The following PLEKHG4B variants were observed in gnomAD, a reference collection of about 807,000 sequenced individuals.
The protein encoded by PLEKHG4B is pleckstrin homology domain-containing family G member 4B.
In PLEKHG4B, 111 loss-of-function variants were observed where a neutral mutation model predicts 121.3. That is an observed-to-expected ratio of 0.92 (90% confidence interval 0.78 to 1.07). The LOEUF (loss-of-function observed/expected upper bound fraction) is 1.07. PLEKHG4B is among the 50% of genes least tolerant of loss of function. The pLI is 0.00. For synonymous variants in PLEKHG4B, 738 were observed against 725.0 expected, an observed-to-expected ratio of 1.02 and a Z score of -0.29; for missense variants, 1,831 against 1,757.8, an observed-to-expected ratio of 1.04 and a Z score of -0.74.
At chr5:164,354 ACT>A (rs1417744656) in intron 13 of PLEKHG4B, among the ~76,000 whole-genome samples, 1 of 152,004 alleles carries the variant, frequency 6.6e-6, no homozygotes, top group East Asian at 1.9e-4. Flanking sequence ...CTTCTCCGAG[ACT>A]CTAATGCTGC....
In PLEKHG4B at chr5:139,367, CCCTT is replaced by C; in HGVS notation, c.244-111_244-108del. ...CAGGACACCCCAGCCCCCGTGAGAC[CCCTT>C]CCTTGTGGGAGCTCAGTCACTGACC... On this transcript the variant is annotated intron_variant, in intron 2 of 19. Coordinates refer to ENST00000637938, the MANE Select transcript of PLEKHG4B (RefSeq NM_052909.5). This position sits in a 1 kb window ranked among gnomAD's most constrained non-coding sequence, Gnocchi z 5.0. 1 of 398,422 alleles carries C rather than the reference CCCTT, an allele frequency of 2.5e-6. No individual in the cohort carries two copies. Among genetic ancestry groups the C allele is most frequent in the Non-Finnish European group, 4.4e-6 (1 of 226,402 alleles). 24.7% of individuals were successfully genotyped at this position (398,422 alleles called of 1,614,324 possible). A position where few individuals can be genotyped will look rare whatever the true frequency, so the allele number is the denominator to read the frequency against.
Position 156,682 on chromosome 5 carries a change from G to A in PLEKHG4B, c.2349-91G>A. ...CGTTGCCTTGTGGCATGAGGGAATGGAAAGAGCAGGGTTTTTATATGGGGT... is the reference window on the plus strand; with the variant it reads ...CGTTGCCTTGTGGCATGAGGGAATGAAAAGAGCAGGGTTTTTATATGGGGT... On this transcript the variant is annotated intron_variant, in intron 10 of 19. Coordinates refer to ENST00000637938, the MANE Select transcript of PLEKHG4B (RefSeq NM_052909.5). This position sits in a 1 kb window ranked among gnomAD's most constrained non-coding sequence, Gnocchi z 4.4. 4 of 1,456,102 alleles carry A rather than the reference G, an allele frequency of 2.7e-6. No individual in the cohort carries two copies. Among genetic ancestry groups the A allele is most frequent in the Non-Finnish European group, 3.7e-6 (4 of 1,092,388 alleles). The allele number at this position is 1,456,102 out of a possible 1,614,324, so 90.2% of individuals were successfully genotyped here.
chr5:147,431 A>T (rs1438157440), intron 6 of PLEKHG4B, among the ~76,000 whole-genome samples: 1 of 152,234 alleles, frequency 6.6e-6, no homozygotes, highest in Non-Finnish European at 1.5e-5. Flanking sequence ...AACAGATGCT[A>T]GGGGAGGAAA....
rs1316035684 is a variant in PLEKHG4B at position 182,652 on chromosome 5, G to T, written c.*329G>T. The T allele has an allele frequency of 2.0e-5, 6 of 299,326 alleles. No homozygotes were observed. The highest frequency in any genetic ancestry group is 1.4e-4 in the South Asian group (3 of 22,166). The allele number at this position is 299,326 out of a possible 1,614,324, so 18.5% of individuals were successfully genotyped here. On this transcript the variant is annotated 3_prime_UTR_variant, in exon 20 of 20. Coordinates refer to ENST00000637938, the MANE Select transcript of PLEKHG4B (RefSeq NM_052909.5). Reference sequence around the variant, plus strand: ...ACAAGACATTTGGCAACAAAGGACCGCGATCCCTGAGAGACAGGAAAACGG... The same window carrying T: ...ACAAGACATTTGGCAACAAAGGACCTCGATCCCTGAGAGACAGGAAAACGG...
intron 2 of PLEKHG4B, among the ~76,000 whole-genome samples, chr5:135,114 G>A (rs1231627666): frequency 2.7e-5 from 4 of 148,304 alleles, no homozygotes; most frequent in Non-Finnish European, 6.0e-5. Context: ...CGTGAACCCA[G>A]GAGGTGGAGC....
rs746456589 is a variant in PLEKHG4B at position 140,569 on chromosome 5, C to T, written c.1330C>T (p.Pro444Ser). 49 of 1,608,138 alleles carry T rather than the reference C, an allele frequency of 3.0e-5. No homozygotes were observed. Among genetic ancestry groups the T allele is most frequent in the Non-Finnish European group, 2.5e-6 (3 of 1,177,954 alleles). Residue 444 changes from proline (P) to serine (S), a missense_variant, in exon 3 of 20, where the codon CCC becomes TCC. By Grantham distance (74) the Pro-to-Ser change is moderately conservative. Coordinates refer to ENST00000637938, the MANE Select transcript of PLEKHG4B (RefSeq NM_052909.5). ...PRRSRSWERA[P>S]RSSRGAQAAA... ...GAGATCTCGGTCCTGGGAAAGGGCACCCAGAAGCTCCAGAGGGGCCCAGGC... is the reference window on the plus strand; with the variant it reads ...GAGATCTCGGTCCTGGGAAAGGGCATCCAGAAGCTCCAGAGGGGCCCAGGC...
intron 2 of PLEKHG4B, among the ~76,000 whole-genome samples, chr5:126,340 T>C (rs980049137): frequency 6.6e-6 from 1 of 152,242 alleles, no homozygotes; most frequent in African/African-American, 2.4e-5. Context: ...TCAGTTATTA[T>C]ACTTTTCAGC....
chr5:143,442 A>G lies in PLEKHG4B; in HGVS notation c.1750A>G (p.Arg584Gly), dbSNP rs1256810934. The change falls in exon 5 of 20, where the codon AGG becomes GGG. Residue 584 changes from arginine (R) to glycine (G), a missense_variant. Arg to Gly is a moderately radical substitution (Grantham distance 125). Transcript: ENST00000637938. ...QVRTRSLLWT[R>G]EHSSCAELTR... ...CCGCACCAGGAGCCTGCTCTGGACC[A>G]GGGAACACTCGTCCTGTGCTGAGCT... The G allele has an allele frequency of 6.2e-7, 1 of 1,612,912 alleles. No individual in the cohort carries two copies. The highest frequency in any genetic ancestry group is 1.1e-5 in the South Asian group (1 of 91,084).
intron 2 of PLEKHG4B, among the ~76,000 whole-genome samples, chr5:124,184 C>T (rs1734544957): frequency 6.6e-6 from 1 of 152,028 alleles, no homozygotes; most frequent in African/African-American, 2.4e-5. Context: ...AACTTCATCC[C>T]TTTGTGATCG....
At position 168,865 on chromosome 5, in the gene PLEKHG4B, C is replaced by CT. The variant is rs140551039; in HGVS notation, c.3477-454dup. ...ATGTGCAGTAGACTGGAAGATTATTCTTTTTTTTTTTTTTTTTTTTTGAGA... is the reference window on the plus strand; with the variant it reads ...ATGTGCAGTAGACTGGAAGATTATTCTTTTTTTTTTTTTTTTTTTTTTGAGA... On this transcript the variant is annotated intron_variant, in intron 13 of 19. Transcript: ENST00000637938. Among the ~76,000 whole-genome samples the CT allele has an allele frequency of 3.3e-3, 335 of 100,386 alleles. 3 individuals are homozygous for CT. Among genetic ancestry groups the CT allele is most frequent in the African/African-American group, 5.7e-3 (146 of 25,840 alleles). The allele number at this position is 100,386 out of a possible 152,430, so 65.9% of individuals were successfully genotyped here.
chr5:115,306 G>A (rs142811378), intron 2 of PLEKHG4B, among the ~76,000 whole-genome samples: 96 of 152,296 alleles, frequency 6.3e-4, no homozygotes, highest in African/African-American at 2.2e-3. Context: ...AAAATATCGA[G>A]TAAACCATGC....
Position 156,382 on chromosome 5 carries a change from A to T in PLEKHG4B, c.2348+172A>T, listed in dbSNP as rs1182147763. On this transcript the variant is annotated intron_variant, in intron 10 of 19. Coordinates refer to ENST00000637938, the MANE Select transcript of PLEKHG4B (RefSeq NM_052909.5). This position sits in a 1 kb window ranked among gnomAD's most constrained non-coding sequence, Gnocchi z 4.4. ...TGGGTCAGAGCTTTTCCACATTTAC[A>T]GGCTCCAAAGATCAAGGAGCCAGCT... Among the ~76,000 whole-genome samples, 1 of 150,988 alleles carries T rather than the reference A, an allele frequency of 6.6e-6. No individual in the cohort carries two copies. The highest frequency in any genetic ancestry group is 1.5e-5 in the Non-Finnish European group (1 of 67,852).
intron 1 of PLEKHG4B, among the ~76,000 whole-genome samples, chr5:102,407 A>G (rs542518925): frequency 2.2e-4 from 33 of 152,292 alleles, no homozygotes; most frequent in African/African-American, 7.7e-4. Flanking sequence ...TTGTTTCCAA[A>G]GTTGACCTAC....
chr5:103,291 C>A (rs1733877437), intron 1 of PLEKHG4B, among the ~76,000 whole-genome samples: 1 of 152,134 alleles, frequency 6.6e-6, no homozygotes, highest in African/African-American at 2.4e-5. Flanking sequence ...TTTTTCCTTT[C>A]CCATCTTTGT....
At position 181,603 on chromosome 5, in the gene PLEKHG4B, G is replaced by A; in HGVS notation, c.4492G>A (p.Val1498Met). The change falls in exon 19 of 20, where the codon GTG becomes ATG. Residue 1498 changes from valine to methionine, a missense_variant. By Grantham distance (21) the Val-to-Met change is conservative. Transcript: ENST00000637938. ...CAGAGACCGGACCCCTGACTGTGCA[G>A]TGATAAGCGACCGGGCTCCCAAATG... ...KPRDRTPDCA[V>M]ISDRAPKCAV... The A allele has an allele frequency of 3.7e-6, 6 of 1,613,902 alleles. No homozygotes were observed. Among genetic ancestry groups the A allele is most frequent in the Non-Finnish European group, 4.2e-6 (5 of 1,179,846 alleles).
intron 7 of PLEKHG4B, among the ~76,000 whole-genome samples, chr5:153,572 G>C (rs6860740): frequency 0.19 from 28,713 of 152,180 alleles, 3,786 homozygotes; most frequent in African/African-American, 0.37. Flanking sequence ...CACAGCTGCC[G>C]CCTTCTGGGA....
At chr5:134,471 T>A (rs926497670) in intron 2 of PLEKHG4B, among the ~76,000 whole-genome samples, 1 of 151,318 alleles carries the variant, frequency 6.6e-6, no homozygotes, top group African/African-American at 2.4e-5. Context: ...CTATTGAAAT[T>A]AAAAAAAATG....
rs150711935 is a variant in PLEKHG4B at position 143,112 on chromosome 5, G to A, written c.1543G>A (p.Gly515Arg). 1.5e-5 allele frequency: 24 copies of A among 1,612,854 alleles called. No homozygotes were observed. The highest frequency in any genetic ancestry group is 5.3e-5 in the African/African-American group (4 of 75,014). ...CAGCCTCCATTGCCACAACCCCAGC[G>A]GGCCTTCCGATGTGCCTGCCCGGCA... ...GGSLHCHNPS[G>R]PSDVPARQPH... Residue 515 changes from glycine (G) to arginine (R), a missense_variant, in exon 4 of 20, where the codon GGG becomes AGG. Coordinates refer to ENST00000637938, the MANE Select transcript of PLEKHG4B (RefSeq NM_052909.5).
Position 159,040 on chromosome 5 carries a change from C to T in PLEKHG4B, c.2487+2129C>T, listed in dbSNP as rs1303264009. ...AGGCCCTGCGCCTGTGCTTAGCTTC[C>T]ATCCCACTCCCAGCCTTCTGCCTGT... is the stretch of plus-strand genomic sequence containing the variant. On this transcript the variant is annotated intron_variant, in intron 11 of 19. Coordinates refer to ENST00000637938, the MANE Select transcript of PLEKHG4B (RefSeq NM_052909.5). The surrounding 1 kb of genome is among the most constrained non-coding windows in gnomAD (Gnocchi z 5.5). Among the ~76,000 whole-genome samples the T allele has an allele frequency of 3.3e-5, 5 of 152,188 alleles. No homozygotes were observed. The East Asian group carries it at 9.7e-4, about 30-fold the overall frequency.
Sources: gnomAD v4.1 joint callset for allele counts (sites outside exome capture counted in the v4.1 genomes callset) on GRCh38, gnomAD v4.1.1 for gene constraint, Gnocchi (gnomAD v3.1) non-coding constraint, MANE v1.5 for transcripts, NCBI Gene and HGNC (gene_info 2026-07-23, HGNC 2026-07-21) for gene names.